The following GRIP1 variants were observed in gnomAD, a reference collection of about 807,000 sequenced individuals.
GRIP1 encodes glutamate receptor interacting protein 1.
A neutral mutation model predicts 129.9 loss-of-function variants in GRIP1; 45 were observed. The observed-to-expected ratio is 0.35, with a 90% CI of 0.27 to 0.44. The LOEUF (loss-of-function observed/expected upper bound fraction) is 0.44, where lower values mean the gene tolerates loss of function less well. GRIP1 is among the 20% of genes least tolerant of loss of function. The probability of loss-of-function intolerance (pLI) is 1.00; values close to 1 mark genes in which losing one functional copy is unlikely to be tolerated. For missense variants in GRIP1, 1,196 were observed against 1,396.8 expected (o/e 0.86, Z 2.29); for synonymous variants, 530 against 520.8 (o/e 1.02, Z -0.24).
At chr12:67,059,334 C>T (rs1186606513) in intron 1 of GRIP1, among the ~76,000 whole-genome samples, 6 of 152,202 alleles carry the variant, frequency 3.9e-5, no homozygotes, top group Non-Finnish European at 8.8e-5. Context: ...TCCAAATGAG[C>T]TGCCAAGATG....
chr12:66,575,291 A>AG (rs535844436), intron 2 of GRIP1, among the ~76,000 whole-genome samples: 61 of 152,318 alleles, frequency 4.0e-4, no homozygotes, highest in African/African-American at 1.3e-3. Flanking sequence ...GCACAGTTAC[A>AG]TCTTCATGCA....
At chr12:66,941,679 C>A (rs1197315548) in intron 1 of GRIP1, among the ~76,000 whole-genome samples, 1 of 152,160 alleles carries the variant, frequency 6.6e-6, no homozygotes, top group Admixed American at 6.5e-5. Context: ...TACATCTTCC[C>A]ACCTTTTCAT....
At chr12:67,040,301 A>C (rs1270302799) in intron 1 of GRIP1, among the ~76,000 whole-genome samples, 2 of 151,040 alleles carry the variant, frequency 1.3e-5, no homozygotes, top group African/African-American at 4.9e-5. Flanking sequence ...GTAATCTTCC[A>C]CTCAATAAGA....
intron 1 of GRIP1, among the ~76,000 whole-genome samples, chr12:66,780,583 A>T (rs1164365141): frequency 6.6e-6 from 1 of 152,188 alleles, no homozygotes; most frequent in African/African-American, 2.4e-5. Context: ...AAGGAAAGGC[A>T]TACTTTCCAA....
At chr12:66,943,365 G>T (rs964606024) in intron 1 of GRIP1, among the ~76,000 whole-genome samples, 6 of 152,194 alleles carry the variant, frequency 3.9e-5, no homozygotes, top group African/African-American at 9.6e-5. Context: ...GCACGGTCAA[G>T]GAAGAAGTTT....
At chr12:66,416,976 AAG>A (rs987687263) in intron 15 of GRIP1, among the ~76,000 whole-genome samples, 32 of 151,940 alleles carry the variant, frequency 2.1e-4, no homozygotes, top group African/African-American at 7.2e-4. Context: ...AGAAAAGAAA[AAG>A]AAAAAGAAAA....
At chr12:66,915,339 A>C (rs1241910261) in intron 1 of GRIP1, among the ~76,000 whole-genome samples, 5 of 152,208 alleles carry the variant, frequency 3.3e-5, no homozygotes, top group African/African-American at 1.2e-4. Flanking sequence ...AGTTAGCCTG[A>C]TTTAATTGCC....
intron 4 of GRIP1, among the ~76,000 whole-genome samples, chr12:66,531,094 G>T (rs1405196126): frequency 6.6e-6 from 1 of 151,684 alleles, no homozygotes; most frequent in Non-Finnish European, 1.5e-5. Context: ...AATCAGCTGG[G>T]CGTGGTGGAA....
intron 1 of GRIP1, among the ~76,000 whole-genome samples, chr12:66,964,361 T>G (rs2041966228): frequency 6.6e-6 from 1 of 152,084 alleles, no homozygotes; most frequent in Non-Finnish European, 1.5e-5. Flanking sequence ...CACATGTGTG[T>G]GTATAGATGT....
chr12:66,383,551 G>A (rs1331434632), intron 19 of GRIP1, among the ~76,000 whole-genome samples: 1 of 152,112 alleles, frequency 6.6e-6, no homozygotes, highest in Non-Finnish European at 1.5e-5. Context: ...AAGAACATTG[G>A]GCATGTCACT....
At chr12:66,714,383 A>G (rs2035803905) in intron 1 of GRIP1, among the ~76,000 whole-genome samples, 1 of 152,102 alleles carries the variant, frequency 6.6e-6, no homozygotes, top group South Asian at 2.1e-4. Context: ...TGCAGAAAAG[A>G]TCAGTGAAAA....
intron 1 of GRIP1, among the ~76,000 whole-genome samples, chr12:67,006,607 T>G (rs944027426): frequency 1.3e-5 from 2 of 152,090 alleles, no homozygotes; most frequent in African/African-American, 4.8e-5. Flanking sequence ...AAAATAAACA[T>G]TTTAAAAGTC....
chr12:66,995,008 G>C (rs1457526213), intron 1 of GRIP1, among the ~76,000 whole-genome samples: 1 of 151,934 alleles, frequency 6.6e-6, no homozygotes, highest in Non-Finnish European at 1.5e-5. Context: ...TAGATTAATG[G>C]AGTAGAATTA....
At chr12:66,808,423 G>A (rs1377145568), upstream of GRIP1, among the ~76,000 whole-genome samples, 15 of 152,044 alleles carry the variant, frequency 9.9e-5, no homozygotes, top group African/African-American at 3.1e-4. Flanking sequence ...TCAGCCTCCC[G>A]AGTAGCTAGG....
At chr12:66,364,005 C>A (rs142747383) in intron 23 of GRIP1, among the ~76,000 whole-genome samples, 173 of 152,072 alleles carry the variant, frequency 1.1e-3, no homozygotes, top group African/African-American at 3.9e-3. Context: ...ATAATCCCAG[C>A]ACTTTGGGAG....
At chr12:66,518,685 C>T (rs887821823) in intron 5 of GRIP1, among the ~76,000 whole-genome samples, 4 of 152,198 alleles carry the variant, frequency 2.6e-5, no homozygotes, top group African/African-American at 7.2e-5. Flanking sequence ...ATGAAATGCA[C>T]GCGTGCTGGC....
At chr12:66,536,702 A>G (rs946217145) in intron 4 of GRIP1, among the ~76,000 whole-genome samples, 5 of 152,196 alleles carry the variant, frequency 3.3e-5, no homozygotes, top group African/African-American at 1.2e-4. Flanking sequence ...TAGCATTCAT[A>G]GTATTCATAC....
chr12:66,450,824 G>A (rs2058771969), intron 11 of GRIP1, among the ~76,000 whole-genome samples: 1 of 151,822 alleles, frequency 6.6e-6, no homozygotes, highest in Non-Finnish European at 1.5e-5. Context: ...TAAAGATAAG[G>A]AATCAAAAGA....
At chr12:67,052,732 C>T (rs780146830) in intron 1 of GRIP1, among the ~76,000 whole-genome samples, 3 of 112,196 alleles carry the variant, frequency 2.7e-5, no homozygotes, top group African/African-American at 3.4e-5. Flanking sequence ...TGCACTCCAG[C>T]GTGGGTAACA....
Sources: allele counts gnomAD v4.1 joint callset (sites outside exome capture counted in the v4.1 genomes callset), GRCh38; gene constraint gnomAD v4.1.1; transcripts MANE v1.5; gene names NCBI Gene and HGNC (gene_info 2026-07-23, HGNC 2026-07-21).